Variants in SHANK2 observed in about 807,000 individuals in gnomAD.
The protein encoded by SHANK2 is SH3 and multiple ankyrin repeat domains 2.
SHANK2 carries 43 observed loss-of-function variants against 133.7 expected under a neutral mutation model. That is an observed-to-expected ratio of 0.32 (90% CI 0.25 to 0.41). The LOEUF (loss-of-function observed/expected upper bound fraction) is 0.41, where lower values mean the gene tolerates loss of function less well. SHANK2 is among the 10% of genes least tolerant of loss of function. The probability of loss-of-function intolerance (pLI) is 1.00; values close to 1 mark genes in which losing one functional copy is unlikely to be tolerated. For synonymous variants in SHANK2, 1,017 were observed against 952.8 expected, an observed-to-expected ratio of 1.07 and a Z score of -1.24; for missense variants, 1,994 against 2,235.8, an observed-to-expected ratio of 0.89 and a Z score of 2.18.
chr11:70,697,272 A>G (rs1415650515), intron 15 of SHANK2, among the ~76,000 whole-genome samples: 1 of 152,260 alleles, frequency 6.6e-6, no homozygotes, highest in Non-Finnish European at 1.5e-5. Flanking sequence ...AGGAAACTTC[A>G]TATTACATGT....
intron 3 of SHANK2, among the ~76,000 whole-genome samples, chr11:71,127,148 T>C (rs1952207444): frequency 6.6e-6 from 1 of 152,178 alleles, no homozygotes; most frequent in Non-Finnish European, 1.5e-5. Flanking sequence ...GCAAGAGAAC[T>C]GGAATTAGAA....
intron 6 of SHANK2, among the ~76,000 whole-genome samples, chr11:71,105,273 A>T (rs1452526512): frequency 6.6e-6 from 1 of 152,168 alleles, no homozygotes; most frequent in Non-Finnish European, 1.5e-5. Flanking sequence ...AACATTCTGG[A>T]AAAGGCCAAA....
chr11:70,895,246 G>A (rs1949915642), intron 11 of SHANK2, among the ~76,000 whole-genome samples: 1 of 152,184 alleles, frequency 6.6e-6, no homozygotes, highest in South Asian at 2.1e-4. Flanking sequence ...TTGACGTAGG[G>A]CACACATGCC....
chr11:70,623,208 C>T (rs537486582), intron 17 of SHANK2, among the ~76,000 whole-genome samples: 1 of 152,258 alleles, frequency 6.6e-6, no homozygotes, highest in East Asian at 1.9e-4. Flanking sequence ...TCTCCACATC[C>T]TGTGGGGCCT....
intron 2 of SHANK2, among the ~76,000 whole-genome samples, chr11:71,149,771 T>C (rs1952730001): frequency 5.4e-5 from 3 of 55,204 alleles, no homozygotes; most frequent in Admixed American, 4.2e-4. Context: ...AGGAGGTAGA[T>C]GGATGGATGG....
chr11:71,168,578 T>C (rs7930055), intron 2 of SHANK2, among the ~76,000 whole-genome samples: 78,374 of 151,594 alleles, frequency 0.52, 20,601 homozygotes, highest in South Asian at 0.66. Context: ...ATCCCGGCAC[T>C]TCAGGATGCC....
At chr11:70,727,778 G>T (rs1946206286) in intron 14 of SHANK2, among the ~76,000 whole-genome samples, 1 of 152,226 alleles carries the variant, frequency 6.6e-6, no homozygotes, top group South Asian at 2.1e-4. Flanking sequence ...CTACCCGCAA[G>T]CATTCAGATG....
At chr11:70,953,299 A>G (rs1285198116) in intron 10 of SHANK2, among the ~76,000 whole-genome samples, 2 of 151,944 alleles carry the variant, frequency 1.3e-5, no homozygotes, top group African/African-American at 4.8e-5. Flanking sequence ...CTGATAGGAT[A>G]CATTTACACA....
chr11:70,713,469 G>A (rs1555026601), intron 14 of SHANK2, among the ~76,000 whole-genome samples: 1 of 152,242 alleles, frequency 6.6e-6, no homozygotes, highest in East Asian at 1.9e-4. Flanking sequence ...CTTGGGCGTG[G>A]AGCAGCCAAG....
intron 2 of SHANK2, among the ~76,000 whole-genome samples, chr11:71,183,767 T>C (rs1284977280): frequency 3.3e-5 from 5 of 152,134 alleles, no homozygotes; most frequent in African/African-American, 1.2e-4. Flanking sequence ...CTCCAGCTTT[T>C]AGGGCTCTGT....
chr11:70,854,812 C>T (rs1178960866), intron 11 of SHANK2, among the ~76,000 whole-genome samples: 2 of 152,224 alleles, frequency 1.3e-5, no homozygotes, highest in African/African-American at 2.4e-5. Flanking sequence ...TACACTGCCC[C>T]ATGGCCTCTG....
At chr11:70,523,658 G>C (rs141790530) in intron 17 of SHANK2, among the ~76,000 whole-genome samples, 2 of 152,170 alleles carry the variant, frequency 1.3e-5, no homozygotes, top group Non-Finnish European at 2.9e-5. Context: ...TGCAGCAGCC[G>C]GTCCTGGAGG....
intron 14 of SHANK2, among the ~76,000 whole-genome samples, chr11:70,785,206 A>G (rs1947622510): frequency 6.6e-6 from 1 of 152,100 alleles, no homozygotes; most frequent in African/African-American, 2.4e-5. Flanking sequence ...CCTGCACACC[A>G]CACAGGACAG....
chr11:70,834,536 C>T (rs1057239726), intron 11 of SHANK2, among the ~76,000 whole-genome samples: 12 of 152,182 alleles, frequency 7.9e-5, no homozygotes, highest in African/African-American at 2.2e-4. Context: ...CAAGCTAGAG[C>T]GGGATTCTTC....
intron 25 of SHANK2, among the ~76,000 whole-genome samples, chr11:70,480,363 C>T (rs1262889975): frequency 6.6e-6 from 1 of 152,194 alleles, no homozygotes; most frequent in Non-Finnish European, 1.5e-5. Context: ...GCTAGGGCAT[C>T]CTAGTCCGCC....
At chr11:70,767,692 G>A (rs1947151310) in intron 14 of SHANK2, among the ~76,000 whole-genome samples, 1 of 152,054 alleles carries the variant, frequency 6.6e-6, no homozygotes. Context: ...GGCTGCCAGG[G>A]GTGGGGGGGG....
At chr11:71,228,950 A>T (rs527425566) in intron 1 of SHANK2, among the ~76,000 whole-genome samples, 16 of 152,120 alleles carry the variant, frequency 1.1e-4, no homozygotes, top group East Asian at 5.8e-4. Flanking sequence ...AATATTTTTT[A>T]AAAAAATCAA....
intron 15 of SHANK2, among the ~76,000 whole-genome samples, chr11:70,696,278 G>A (rs1379233885): frequency 6.6e-6 from 1 of 152,138 alleles, no homozygotes; most frequent in Non-Finnish European, 1.5e-5. Context: ...CCTGCTGTTA[G>A]CCATGTGTCA....
At chr11:71,095,306 C>A (rs1352934343) in intron 6 of SHANK2, among the ~76,000 whole-genome samples, 1 of 152,206 alleles carries the variant, frequency 6.6e-6, no homozygotes, top group Non-Finnish European at 1.5e-5. Flanking sequence ...GGACAAGGGT[C>A]CCGTGCAGAT....
Sources: allele counts gnomAD v4.1 joint callset (sites outside exome capture counted in the v4.1 genomes callset), GRCh38; gene constraint gnomAD v4.1.1; transcripts MANE v1.5; gene names NCBI Gene and HGNC (gene_info 2026-07-23, HGNC 2026-07-21).